The following ADCY2 variants were observed in gnomAD, a reference collection of about 807,000 sequenced individuals.
ADCY2 encodes the protein adenylate cyclase type 2.
ADCY2 carries 31 observed loss-of-function variants against 125.2 expected under a neutral mutation model. The observed-to-expected ratio is 0.25, with a 90% CI of 0.19 to 0.33. The LOEUF is 0.33. ADCY2 is among the 10% of genes least tolerant of loss of function. The pLI, the probability that ADCY2 is intolerant of heterozygous loss-of-function variation, is 1.00. For missense variants in ADCY2, 904 were observed against 1,418.2 expected (o/e 0.64, Z 5.82); for synonymous variants, 512 against 548.4 (o/e 0.93, Z 0.93).
rs572880810 is a variant in ADCY2, at chr5:7,544,102, GC to G, written c.570+23207del. ...AGCACTTAACCCCCATCCTTTCCCTGCCCCACTCTGGGTTGAGCCCCTTCCC... is the reference window on the plus strand; with the variant it reads ...AGCACTTAACCCCCATCCTTTCCCTGCCCACTCTGGGTTGAGCCCCTTCCC... On this transcript the variant is annotated intron_variant, in intron 3 of 24. Transcript: ENST00000338316. Among the ~76,000 whole-genome samples, 29 of 147,340 alleles carry G rather than the reference GC, an allele frequency of 2.0e-4. No individual in the cohort carries two copies. The South Asian group carries it at 5.9e-3, about 30-fold the overall frequency.
intron 3 of ADCY2, among the ~76,000 whole-genome samples, chr5:7,562,268 C>T (rs1190771303): frequency 2.0e-5 from 3 of 151,736 alleles, no homozygotes; most frequent in Non-Finnish European, 4.4e-5. Flanking sequence ...ATTATATTAT[C>T]ATTTATAATA....
At chr5:7,630,370 G>A (rs371434908) in intron 4 of ADCY2, among the ~76,000 whole-genome samples, 1 of 152,120 alleles carries the variant, frequency 6.6e-6, no homozygotes, top group Non-Finnish European at 1.5e-5. Context: ...AAGAGTTTTT[G>A]AAGTTTTTCT....
chr5:7,815,064 C>T (rs916288405), intron 22 of ADCY2, among the ~76,000 whole-genome samples: 1 of 152,194 alleles, frequency 6.6e-6, no homozygotes, highest in Admixed American at 6.5e-5. Context: ...CACGATCCTT[C>T]CTGGGTGCGT....
At chr5:7,779,084 T>C (rs1392660876) in intron 18 of ADCY2, among the ~76,000 whole-genome samples, 4 of 152,210 alleles carry the variant, frequency 2.6e-5, no homozygotes, top group Non-Finnish European at 5.9e-5. Flanking sequence ...GAGCACAGCA[T>C]GCTTTTCTGT....
chr5:7,736,046 C>G (rs527734504), intron 14 of ADCY2, among the ~76,000 whole-genome samples: 29 of 152,156 alleles, frequency 1.9e-4, no homozygotes, highest in Middle Eastern at 3.4e-3. Context: ...GGGCAAAACC[C>G]CCTCTCTACC....
chr5:7,549,089 C>T (rs771108285), intron 3 of ADCY2, among the ~76,000 whole-genome samples: 20 of 152,140 alleles, frequency 1.3e-4, no homozygotes, highest in Non-Finnish European at 1.5e-4. Context: ...CTGTCCTGTT[C>T]ACATTTTCTT....
chr5:7,567,929 T>TTCTCTCTCTCTCTCTC (rs10590625), intron 3 of ADCY2, among the ~76,000 whole-genome samples: 2 of 146,460 alleles, frequency 1.4e-5, no homozygotes, highest in Admixed American at 1.4e-4. Context: ...CGTCCTCTCT[T>TTCTCTCTCTCTCTCTC]TCTCTCTCTC....
chr5:7,420,628 C>T (rs912008159), intron 2 of ADCY2, among the ~76,000 whole-genome samples: 10 of 152,208 alleles, frequency 6.6e-5, no homozygotes, highest in Admixed American at 5.2e-4. Context: ...CTCAACCCAG[C>T]TGATGCCATT....
intron 2 of ADCY2, among the ~76,000 whole-genome samples, chr5:7,478,963 C>A (rs1476584353): frequency 2.0e-5 from 3 of 152,070 alleles, no homozygotes; most frequent in Non-Finnish European, 4.4e-5. Context: ...AATTAATAAG[C>A]TCTTATAGAA....
At chr5:7,549,881 C>T (rs1735273402) in intron 3 of ADCY2, among the ~76,000 whole-genome samples, 1 of 152,170 alleles carries the variant, frequency 6.6e-6, no homozygotes, top group Admixed American at 6.5e-5. Context: ...ACTAAACTTT[C>T]TGTCAGCTCC....
intron 19 of ADCY2, among the ~76,000 whole-genome samples, chr5:7,787,200 C>T (rs1429768798): frequency 6.6e-6 from 1 of 152,180 alleles, no homozygotes; most frequent in Non-Finnish European, 1.5e-5. Flanking sequence ...CCTGTTCCTC[C>T]CCTGCACACA....
intron 15 of ADCY2, among the ~76,000 whole-genome samples, chr5:7,749,275 A>C (rs527930269): frequency 1.3e-5 from 2 of 152,188 alleles, no homozygotes; most frequent in African/African-American, 4.8e-5. Context: ...ACATTTGATA[A>C]TTTTTTTAAG....
At chr5:7,680,075 A>G (rs941975841) in intron 4 of ADCY2, among the ~76,000 whole-genome samples, 2 of 152,108 alleles carry the variant, frequency 1.3e-5, no homozygotes, top group Non-Finnish European at 2.9e-5. Context: ...GGGGAAGAGT[A>G]TAGGGGAAAT....
At chr5:7,714,576 C>T (rs1046481961) in intron 11 of ADCY2, among the ~76,000 whole-genome samples, 1 of 152,258 alleles carries the variant, frequency 6.6e-6, no homozygotes, top group Non-Finnish European at 1.5e-5. Flanking sequence ...ATGCCAGCGT[C>T]ACATGGCTGG....
intron 2 of ADCY2, among the ~76,000 whole-genome samples, chr5:7,463,683 C>A (rs59314991): frequency 0.042 from 6,277 of 150,864 alleles, 407 homozygotes; most frequent in African/African-American, 0.15. Context: ...ATGTAAATGT[C>A]TCTATAATAA....
chr5:7,748,210 A>G (rs547473307), intron 15 of ADCY2, among the ~76,000 whole-genome samples: 2 of 152,288 alleles, frequency 1.3e-5, no homozygotes, highest in Admixed American at 1.3e-4. Flanking sequence ...ATGGCTTAGC[A>G]GGAGGGCGGG....
chr5:7,698,081 A>G (rs1740952700), intron 6 of ADCY2, among the ~76,000 whole-genome samples, 166 bp from the exon 7 acceptor site: 1 of 152,096 alleles, frequency 6.6e-6, no homozygotes, highest in Non-Finnish European at 1.5e-5. Flanking sequence ...AGGGGAGGGC[A>G]GCTCATTCTG....
intron 1 of ADCY2, among the ~76,000 whole-genome samples, chr5:7,407,448 A>C (rs1055031182): frequency 1.3e-5 from 2 of 152,146 alleles, no homozygotes; most frequent in African/African-American, 4.8e-5. Context: ...AAGGGGAAGC[A>C]AGGCATGTCT....
intron 2 of ADCY2, among the ~76,000 whole-genome samples, chr5:7,477,782 G>A (rs984404918): frequency 1.3e-5 from 2 of 152,162 alleles, no homozygotes; most frequent in Non-Finnish European, 2.9e-5. Flanking sequence ...GAAATTAACT[G>A]ATGTGAACGG....
Sources: allele counts gnomAD v4.1 joint callset (sites outside exome capture counted in the v4.1 genomes callset), GRCh38; gene constraint gnomAD v4.1.1; transcripts MANE v1.5; gene names NCBI Gene and HGNC (gene_info 2026-07-23, HGNC 2026-07-21).